PTPRS: variants seen among roughly 807,000 people sequenced by gnomAD.
PTPRS encodes protein tyrosine phosphatase receptor type S.
In PTPRS, 63 loss-of-function variants were observed where a neutral mutation model predicts 215.3. The ratio of observed to expected loss-of-function variants is 0.29; its 90% confidence interval spans 0.24 to 0.36. PTPRS has a LOEUF of 0.36. Ranked by LOEUF, PTPRS falls within the 10% of genes least tolerant of loss-of-function variation. The pLI is 1.00. For synonymous variants in PTPRS, 1,404 were observed against 1,191.4 expected, an observed-to-expected ratio of 1.18 and a Z score of -3.68; for missense variants, 2,258 against 2,825.8, an observed-to-expected ratio of 0.80 and a Z score of 4.56.
chr19:5,262,033 G>A (rs1232170553), intron 6 of PTPRS, among the ~76,000 whole-genome samples: 1 of 152,160 alleles, frequency 6.6e-6, no homozygotes, highest in Non-Finnish European at 1.5e-5. Flanking sequence ...AGCACTTTGG[G>A]AAGCCGAGGC....
intron 16 of PTPRS, among the ~76,000 whole-genome samples, chr19:5,227,718 T>C: frequency 6.6e-6 from 1 of 152,114 alleles, no homozygotes; most frequent in South Asian, 2.1e-4. Context: ...CCGATGTGTG[T>C]TTTGTTCCGA....
chr19:5,296,848 ACT>A (rs1174947840), intron 1 of PTPRS, among the ~76,000 whole-genome samples: 2 of 152,016 alleles, frequency 1.3e-5, no homozygotes, highest in Non-Finnish European at 2.9e-5. Context: ...GAAGGCCCTG[ACT>A]CAGGTACTCA....
chr19:5,312,135 T>C (rs1452877516), intron 1 of PTPRS, among the ~76,000 whole-genome samples: 3 of 151,440 alleles, frequency 2.0e-5, no homozygotes, highest in Non-Finnish European at 4.4e-5. Context: ...ACACATCTCA[T>C]AGGAAAGCAA....
In PTPRS at chr19:5,281,124, A is replaced by G. The variant is rs552751310; in HGVS notation, c.91+4926T>C. ...TCTTATTTATCCCTCTGTTGCAGCA[A>G]CAGCCAATCCCACTGTACTGATTCA... On this transcript the variant is annotated intron_variant, in intron 2 of 37. Coordinates refer to ENST00000262963, the MANE Select transcript of PTPRS (RefSeq NM_002850.4). 1.6e-4 allele frequency among the ~76,000 whole-genome samples: 24 copies of G among 152,110 alleles called. 3 individuals carry two copies. Among genetic ancestry groups the G allele is most frequent in the Admixed American group, 6.5e-4 (10 of 15,278 alleles).
intron 2 of PTPRS, among the ~76,000 whole-genome samples, chr19:5,276,710 T>G (rs2047400006): frequency 6.6e-6 from 1 of 151,526 alleles, no homozygotes; most frequent in Admixed American, 6.6e-5. Context: ...CCAGCTAATT[T>G]TTTTGTATTT....
At chr19:5,323,746 C>T (rs1459657308) in intron 1 of PTPRS, among the ~76,000 whole-genome samples, 1 of 152,074 alleles carries the variant, frequency 6.6e-6, no homozygotes. Flanking sequence ...GGGTTTTCCC[C>T]CAAGAGGTGA....
At position 5,286,203 on chromosome 19, in the gene PTPRS, G is replaced by T; in HGVS notation, c.-63C>A. 6.3e-7 allele frequency: 1 copy of T among 1,577,914 alleles called. No homozygotes were observed. Among genetic ancestry groups the T allele is most frequent in the East Asian group, 2.3e-5 (1 of 43,154 alleles). ...ATGGCCCCCCGGTCCCTCACAGAGA[G>T]GCCTCGAGCCGAGCGTCAGATGGGG... is the stretch of plus-strand genomic sequence containing the variant. On this transcript the variant is annotated 5_prime_UTR_variant, in exon 2 of 38. Coordinates refer to ENST00000262963, the MANE Select transcript of PTPRS (RefSeq NM_002850.4).
chr19:5,212,064 G>A lies in PTPRS; in HGVS notation c.4956C>T (p.Gly1652=), dbSNP rs775647521. Residue 1652 remains glycine, a synonymous_variant, in exon 32 of 38, where the codon GGC becomes GGT. Coordinates refer to ENST00000262963, the MANE Select transcript of PTPRS (RefSeq NM_002850.4). ...GGCTGCGTGCGGGCACTTCTGTGTT[G>A]CCACAGCCCACGGCCTCCAGCAGGG... The part of the protein sequence containing the change: ...HEALLEAVGC[G]NTEVPARSLY... 11 of 1,613,920 alleles carry A rather than the reference G, an allele frequency of 6.8e-6. No homozygotes were observed. The South Asian group carries it at 1.2e-4, about 18-fold the overall frequency.
chr19:5,208,051 G>T lies in PTPRS; in HGVS notation c.5649C>A (p.Gly1883=). The T allele has an allele frequency of 6.2e-7, 1 of 1,611,254 alleles. No individual in the cohort carries two copies. The change falls in exon 37 of 38, where the codon GGC becomes GGA. Residue 1883 remains glycine (G), a synonymous_variant. Coordinates refer to ENST00000262963, the MANE Select transcript of PTPRS (RefSeq NM_002850.4). ...DGPISVHCSA[G]VGRTGVFITL... ...TGATGAAGACGCCCGTCCTGCCCAC[G>T]CCGGCACTGGTGGCAGTAAAGTGAG... is the stretch of plus-strand genomic sequence containing the variant.
At chr19:5,211,823 C>T (rs931788882) in intron 32 of PTPRS, 55 bp from the exon 33 acceptor site, 4 of 1,595,438 alleles carry the variant, frequency 2.5e-6, no homozygotes, top group South Asian at 1.1e-5. Context: ...GCTATGCTTT[C>T]AGCTGGAGCA....
chr19:5,335,048 T>C (rs921929946), intron 1 of PTPRS, among the ~76,000 whole-genome samples: 4 of 152,170 alleles, frequency 2.6e-5, no homozygotes, highest in African/African-American at 9.7e-5. Context: ...CCAACCTCGC[T>C]TCCCCAGAAC....
Position 5,293,037 on chromosome 19 carries a change from C to T in PTPRS, c.-94-6803G>A, listed in dbSNP as rs116855522. ...TCAGGCCCGCGCTGGGCTGTGGGGA[C>T]CCCCGTGGTCCCCAGCCTCGGAGCC... On this transcript the variant is annotated intron_variant, in intron 1 of 37. Transcript: ENST00000262963. The surrounding 1 kb of genome is among the most constrained non-coding windows in gnomAD (Gnocchi z 8.4). 47,336 of 151,802 alleles carry T rather than the reference C, an allele frequency of 0.31. 9,296 individuals are homozygous for T. The highest frequency in any genetic ancestry group is 0.45 in the Non-Finnish European group (30,656 of 67,754). The allele number at this position is 151,802 out of a possible 1,614,324, so 9.4% of individuals were successfully genotyped here.
Position 5,229,830 on chromosome 19 carries a change from G to T in PTPRS, c.2156-146C>A, listed in dbSNP as rs887400089. The T allele has an allele frequency of 6.3e-6, 3 of 478,516 alleles. No individual in the cohort carries two copies. The East Asian group carries it at 1.2e-4, about 19-fold the overall frequency. 29.6% of individuals were successfully genotyped at this position (478,516 alleles called of 1,614,324 possible). ...CGCTCTTAGCGCTCACCACCGGGCG[G>T]GAGGACATGGCCTCCTGCACACCCC... On this transcript the variant is annotated intron_variant, in intron 14 of 37. Coordinates refer to ENST00000262963, the MANE Select transcript of PTPRS (RefSeq NM_002850.4).
intron 2 of PTPRS, among the ~76,000 whole-genome samples, chr19:5,276,086 T>C (rs565234681): frequency 1.1e-3 from 171 of 152,360 alleles, no homozygotes; most frequent in Non-Finnish European, 2.0e-3. Flanking sequence ...TGGCTGGACA[T>C]GCACAGCCAG....
chr19:5,207,712 G>A (rs1374370076), intron 37 of PTPRS, among the ~76,000 whole-genome samples: 1 of 152,184 alleles, frequency 6.6e-6, no homozygotes. Context: ...TCCACTCCAA[G>A]GGCCACTTCT....
chr19:5,334,799 C>T (rs2050439951), intron 1 of PTPRS, among the ~76,000 whole-genome samples: 2 of 152,236 alleles, frequency 1.3e-5, no homozygotes, highest in South Asian at 4.1e-4. Flanking sequence ...AAGGCCCCTC[C>T]CTGTGCCTCA....
At position 5,333,081 on chromosome 19, in the gene PTPRS, G is replaced by A. The variant is rs570407140; in HGVS notation, c.-95+7583C>T. Among the ~76,000 whole-genome samples, 20 of 152,102 alleles carry A rather than the reference G, an allele frequency of 1.3e-4. No homozygotes were observed. In the South Asian group the frequency reaches 2.9e-3, roughly 22 times the overall value. On this transcript the variant is annotated intron_variant, in intron 1 of 37. Coordinates refer to ENST00000262963, the MANE Select transcript of PTPRS (RefSeq NM_002850.4). ...GGAGAACCACTTGAACCCGGGAGGC[G>A]GAGATTGCAGTGAGCTGAGATCACG... is the stretch of plus-strand genomic sequence containing the variant.
At chr19:5,207,805 C>T in intron 37 of PTPRS, 117 bp downstream of exon 37, 1 of 1,460,088 alleles carries the variant, frequency 6.8e-7, no homozygotes, top group African/African-American at 1.4e-5. Flanking sequence ...GACCGTCTAC[C>T]CACAGTGACC....
At chr19:5,206,922 C>A in intron 37 of PTPRS, 80 bp from the exon 38 acceptor site, 1 of 1,296,722 alleles carries the variant, frequency 7.7e-7, no homozygotes, top group Non-Finnish European at 1.1e-6. Context: ...CAGGAGCAGG[C>A]CAAGCTCCTC....
Sources: gnomAD v4.1 joint callset for allele counts (sites outside exome capture counted in the v4.1 genomes callset) on GRCh38, gnomAD v4.1.1 for gene constraint, Gnocchi (gnomAD v3.1) non-coding constraint, MANE v1.5 for transcripts, NCBI Gene and HGNC (gene_info 2026-07-23, HGNC 2026-07-21) for gene names.